GIMAP5: variants seen among roughly 807,000 people sequenced by gnomAD.
The protein encoded by GIMAP5 is GTPase IMAP family member 5.
A neutral mutation model predicts 9.9 loss-of-function variants in GIMAP5; 8 were observed. That is an observed-to-expected ratio of 0.81 (90% confidence interval 0.47 to 1.45). GIMAP5 has a LOEUF of 1.45. Among genes scored for constraint, GIMAP5 ranks in the 40% most tolerant of loss-of-function variants. The pLI is 0.00. For missense variants in GIMAP5, 353 were observed against 367.4 expected, an observed-to-expected ratio of 0.96 and a Z score of 0.32; for synonymous variants, 174 against 151.4, an observed-to-expected ratio of 1.15 and a Z score of -1.09.
chr7:150,741,034 A>T, intron 2 of GIMAP5, 107 bp downstream of exon 2: 1 of 1,229,650 alleles, frequency 8.1e-7, no homozygotes, highest in Non-Finnish European at 1.2e-6. Context: ...CATTCATTTT[A>T]AATGAAGAAG....
At chr7:150,740,256 T>C (rs1797574591) in intron 1 of GIMAP5, 1 of 152,398 alleles carries the variant, frequency 6.6e-6, no homozygotes, top group African/African-American at 2.4e-5. Context: ...ATCACCTCAC[T>C]ACCTCCTCTC....
rs1160766007 is a variant in GIMAP5, at chr7:150,743,083, C to A, written c.*20C>A. On this transcript the variant is annotated 3_prime_UTR_variant, in exon 3 of 3. Coordinates refer to ENST00000358647, the MANE Select transcript of GIMAP5 (RefSeq NM_018384.5). The stretch of plus-strand genomic sequence containing the variant: ...ATTTAAATCTCTGGACCCTGGAGCA[C>A]TTCTAATGTATCACCCCATGGAGTC... The A allele has an allele frequency of 6.3e-7, 1 of 1,589,346 alleles. No individual in the cohort carries two copies. Among genetic ancestry groups the A allele is most frequent in the Non-Finnish European group, 8.6e-7 (1 of 1,167,072 alleles).
chr7:150,738,055 C>G (rs1797541702), intron 1 of GIMAP5: 1 of 298,808 alleles, frequency 3.3e-6, no homozygotes, highest in African/African-American at 2.2e-5. Context: ...ACTGAAGCTC[C>G]CAGAGGGTGA....
Position 150,742,883 on chromosome 7 carries a change from A to G in GIMAP5, c.744A>G (p.Lys248=). 1.2e-6 allele frequency: 2 copies of G among 1,614,248 alleles called. No individual in the cohort carries two copies. The highest frequency in any genetic ancestry group is 8.5e-7 in the Non-Finnish European group (1 of 1,180,044). Residue 248 remains lysine, a synonymous_variant, in exon 3 of 3, where the codon AAA becomes AAG. Transcript: ENST00000358647. ...AAGACTACAGGCAGTACCAGGCCAA[A>G]GTGGAATGGCAGGTGGAGAAGCACA... The part of the protein sequence containing the change: ...CQEDYRQYQA[K]VEWQVEKHKQ...
Position 150,740,914 on chromosome 7 carries a change from A to G in GIMAP5, c.30A>G (p.Gly10=), listed in dbSNP as rs757121446. ...GAGGATTCCAGAGGGGCAAATATGG[A>G]ACTATGGCTGAAGGTAAGAAAGTCT... The part of the protein sequence containing the change: MGGFQRGKY[G]TMAEGRSEDN... The change falls in exon 2 of 3, where the codon GGA becomes GGG. Residue 10 remains glycine, a synonymous_variant. Coordinates refer to ENST00000358647, the MANE Select transcript of GIMAP5 (RefSeq NM_018384.5). The G allele has an allele frequency of 5.6e-6, 9 of 1,613,966 alleles. No individual in the cohort carries two copies. In the Middle Eastern group the frequency reaches 4.9e-4, roughly 88 times the overall value.
At chr7:150,741,567 T>C (rs1797594959) in intron 2 of GIMAP5, among the ~76,000 whole-genome samples, 2 of 152,178 alleles carry the variant, frequency 1.3e-5, no homozygotes, top group African/African-American at 4.8e-5. Context: ...CCATCCACCC[T>C]AGGGTCATCT....
At chr7:150,740,590 T>C (rs1029988806) in intron 1 of GIMAP5, 4 of 306,038 alleles carry the variant, frequency 1.3e-5, no homozygotes, top group African/African-American at 4.3e-5. Flanking sequence ...GCCTTTCTGG[T>C]TGGGGGAGAT....
chr7:150,740,410 A>G (rs982426593), intron 1 of GIMAP5: 2 of 162,790 alleles, frequency 1.2e-5, no homozygotes, highest in Non-Finnish European at 2.7e-5. Flanking sequence ...TGGAATGTCC[A>G]TTTGACACAA....
In GIMAP5 at chr7:150,742,881, A is replaced by G; in HGVS notation, c.742A>G (p.Lys248Glu). The G allele has an allele frequency of 2.5e-6, 4 of 1,614,220 alleles. No individual in the cohort carries two copies. Among genetic ancestry groups the G allele is most frequent in the African/African-American group, 1.3e-5 (1 of 75,056 alleles). The change falls in exon 3 of 3, where the codon AAA (lysine) becomes GAA (glutamate). Residue 248 changes from lysine to glutamate, a missense_variant. Transcript: ENST00000358647. ...GGAAGACTACAGGCAGTACCAGGCC[A>G]AAGTGGAATGGCAGGTGGAGAAGCA... ...CQEDYRQYQA[K>E]VEWQVEKHKQ...
At chr7:150,740,564 G>T in intron 1 of GIMAP5, 1 of 242,186 alleles carries the variant, frequency 4.1e-6, no homozygotes, top group Admixed American at 5.3e-5. Flanking sequence ...ATAGAAGAAT[G>T]CTTTCTCCAT....
chr7:150,738,076 C>A, intron 1 of GIMAP5: 1 of 245,694 alleles, frequency 4.1e-6, no homozygotes, highest in Non-Finnish European at 8.0e-6. Context: ...TAGGCTTTCC[C>A]CCATCTCCCC....
At chr7:150,740,823 T>C (rs1005988290) in intron 1 of GIMAP5, 56 bp from the exon 2 acceptor site, 5 of 1,578,644 alleles carry the variant, frequency 3.2e-6, no homozygotes, top group Non-Finnish European at 4.4e-6. Context: ...GCCCTCAGGC[T>C]CTACCAGCTC....
intron 1 of GIMAP5, chr7:150,739,269 T>G (rs895304871): frequency 2.0e-5 from 3 of 152,222 alleles, no homozygotes; most frequent in Non-Finnish European, 4.4e-5. Context: ...TTTTTCCACC[T>G]GTGGAATCAA....
At chr7:150,737,943 G>T in intron 1 of GIMAP5, 1 of 569,964 alleles carries the variant, frequency 1.8e-6, no homozygotes, top group South Asian at 2.0e-5. Context: ...AGGACAGCGG[G>T]CTTTGCTGCC....
intron 1 of GIMAP5, chr7:150,737,933 A>G (rs1797540071): frequency 1.7e-6 from 1 of 579,660 alleles, no homozygotes. Flanking sequence ...GCCCAGTCCC[A>G]GGACAGCGGG....
chr7:150,740,805 A>G lies in GIMAP5; in HGVS notation c.-6-74A>G, dbSNP rs1184033165. On this transcript the variant is annotated intron_variant, in intron 1 of 2. Transcript: ENST00000358647. ...AGAATGATTATTCTTAGATGTCTGA[A>G]TTGAGGTGCCCTCAGGCTCTACCAG... The G allele has an allele frequency of 4.2e-6, 6 of 1,424,326 alleles. No individual in the cohort carries two copies. The African/African-American group carries it at 8.5e-5, about 20-fold the overall frequency. 88.2% of individuals were successfully genotyped at this position (1,424,326 alleles called of 1,614,324 possible). A position where few individuals can be genotyped will look rare whatever the true frequency, so the allele number is the denominator to read the frequency against.
intron 1 of GIMAP5, chr7:150,739,498 T>C (rs1797563779): frequency 6.6e-6 from 1 of 152,262 alleles, no homozygotes; most frequent in African/African-American, 2.4e-5. Context: ...ATTACAATTA[T>C]GATGTTCATA....
Position 150,742,655 on chromosome 7 carries a change from C to G in GIMAP5, c.516C>G (p.Ser172Arg). The G allele has an allele frequency of 7.4e-6, 12 of 1,614,196 alleles. No homozygotes were observed. Among genetic ancestry groups the G allele is most frequent in the Non-Finnish European group, 1.0e-5 (12 of 1,180,030 alleles). Residue 172 changes from serine (S) to arginine (R), a missense_variant, in exon 3 of 3, where the codon AGC (serine) becomes AGG (arginine). Physicochemically the swap from Ser to Arg is moderately radical, Grantham distance 110. Transcript: ENST00000358647. ...ATGTAGCAAACACGGACAACTGCAG[C>G]CTGAAAGACCTGGTGCGGGAGTGTG... ...DDYVANTDNC[S>R]LKDLVRECER...
At chr7:150,737,785 C>T in intron 1 of GIMAP5, 77 bp downstream of exon 1, 1 of 1,188,536 alleles carries the variant, frequency 8.4e-7, no homozygotes, top group Non-Finnish European at 1.2e-6. Flanking sequence ...CTGTTCATTT[C>T]TGACATGACC....
Sources: allele counts gnomAD v4.1 joint callset (sites outside exome capture counted in the v4.1 genomes callset), GRCh38; gene constraint gnomAD v4.1.1; transcripts MANE v1.5; gene names NCBI Gene and HGNC (gene_info 2026-07-23, HGNC 2026-07-21).